The following GRAMD4 variants were observed in gnomAD, a reference collection of about 807,000 sequenced individuals.
GRAMD4 encodes the protein GRAM domain-containing protein 4.
A neutral mutation model predicts 83.9 loss-of-function variants in GRAMD4; 25 were observed. The observed-to-expected ratio is 0.30, with a 90% CI of 0.22 to 0.42. The LOEUF (loss-of-function observed/expected upper bound fraction) is 0.42, where lower values mean the gene tolerates loss of function less well. Ranked by LOEUF, GRAMD4 falls within the 10% of genes least tolerant of loss-of-function variation. GRAMD4 has a pLI of 1.00. For missense variants in GRAMD4, 593 were observed against 788.7 expected, an observed-to-expected ratio of 0.75 and a Z score of 2.97; for synonymous variants, 336 against 320.9, an observed-to-expected ratio of 1.05 and a Z score of -0.50.
upstream of GRAMD4, among the ~76,000 whole-genome samples, chr22:46,618,568 G>A (rs996286542): frequency 6.6e-6 from 1 of 152,118 alleles, no homozygotes; most frequent in Admixed American, 6.5e-5. The surrounding 1 kb of genome is among the most constrained non-coding windows in gnomAD (Gnocchi z 5.8). Flanking sequence ...GTGTTGACCC[G>A]GGTGCGTGGA....
upstream of GRAMD4, among the ~76,000 whole-genome samples, chr22:46,616,780 G>T (rs1182190103): frequency 7.2e-6 from 1 of 138,646 alleles, no homozygotes; most frequent in African/African-American, 2.8e-5. Flanking sequence ...GTGCGTGCAG[G>T]TTCCCCTGTG....
chr22:46,682,146 C>A (rs542254199), downstream of GRAMD4, among the ~76,000 whole-genome samples: 1 of 152,314 alleles, frequency 6.6e-6, no homozygotes, highest in South Asian at 2.1e-4. Context: ...CTCGGGTCCA[C>A]GTCAGCTGGA....
At chr22:46,619,774 G>C (rs1437755057), upstream of GRAMD4, among the ~76,000 whole-genome samples, 4 of 152,158 alleles carry the variant, frequency 2.6e-5, no homozygotes, top group East Asian at 5.8e-4. Context: ...TGAGGTTTAG[G>C]GGCTACCTTC....
At chr22:46,610,140 G>A (rs1251198417) in intron 1 of GRAMD4, among the ~76,000 whole-genome samples, 5 of 152,172 alleles carry the variant, frequency 3.3e-5, no homozygotes, top group Non-Finnish European at 5.9e-5. Flanking sequence ...GCCTGGCCAG[G>A]GACCACGCCT....
rs1300052621 is a variant in GRAMD4, at chr22:46,665,680, G to A, written c.783G>A (p.Arg261=). The A allele has an allele frequency of 1.9e-6, 3 of 1,601,376 alleles. No individual in the cohort carries two copies. The South Asian group carries it at 3.3e-5, about 18-fold the overall frequency. The change falls in exon 9 of 19, where the codon AGG becomes AGA. Residue 261 remains arginine (R), a synonymous_variant. Coordinates refer to ENST00000406902, the MANE Select transcript of GRAMD4 (RefSeq NM_015124.5). ...IPLFLFLAIL[R]LSLNYLIARG... is the part of the protein sequence containing the mutation. ...TGTTCTTATTTCTAGCAATTCTGAG[G>A]TTATCCCTCAATTACCTCATCGCCA...
At chr22:46,600,787 C>T (rs1380770131) in intron 1 of GRAMD4, among the ~76,000 whole-genome samples, 1 of 152,196 alleles carries the variant, frequency 6.6e-6, no homozygotes, top group Admixed American at 6.5e-5. Flanking sequence ...TATTAATTTA[C>T]TGAAATATGC....
intron 3 of GRAMD4, among the ~76,000 whole-genome samples, chr22:46,654,048 G>A (rs898617791): frequency 5.3e-5 from 8 of 152,192 alleles, no homozygotes; most frequent in African/African-American, 1.4e-4. Context: ...ACCGGCTGAC[G>A]GGGCATTTGG....
rs538583874 is a variant in GRAMD4, at chr22:46,609,804, C to G, written c.-49-16947C>G. ...CAGGAGGCGGTGCTTAGGGCTGGCT[C>G]CTGGCTTCACCAGTCTTCTTCACTG... On this transcript the variant is annotated intron_variant, in intron 1 of 1. Coordinates refer to the GRAMD4 transcript ENST00000431155. Among the ~76,000 whole-genome samples, 42 of 152,350 alleles carry G rather than the reference C, an allele frequency of 2.8e-4. No individual in the cohort carries two copies. The South Asian group carries it at 8.7e-3, about 32-fold the overall frequency.
chr22:46,608,344 G>A (rs965426796), intron 1 of GRAMD4, among the ~76,000 whole-genome samples: 1 of 152,204 alleles, frequency 6.6e-6, no homozygotes, highest in Non-Finnish European at 1.5e-5. Flanking sequence ...CTGGGCAACA[G>A]GTGTGAAGTG....
rs1372263656 is a variant in GRAMD4, at chr22:46,608,525, A to G, written c.-49-18226A>G. ...GAAACCCCATCTCTACTAAAAATAC[A>G]AAAATTATCTGTGTGTGGTGGCGGG... is the stretch of plus-strand genomic sequence containing the variant. On this transcript the variant is annotated intron_variant, in intron 1 of 1. Coordinates refer to the GRAMD4 transcript ENST00000431155. 4.0e-5 allele frequency among the ~76,000 whole-genome samples: 6 copies of G among 151,360 alleles called. No homozygotes were observed. In the East Asian group the frequency reaches 1.2e-3, roughly 30 times the overall value.
At chr22:46,643,163 C>G (rs773355882) in intron 3 of GRAMD4, among the ~76,000 whole-genome samples, 39 of 121,162 alleles carry the variant, frequency 3.2e-4, no homozygotes, top group South Asian at 5.9e-4. Flanking sequence ...ATCCATCCAT[C>G]CATCCATCCA....
chr22:46,597,086 G>A (rs935907030), intron 1 of GRAMD4, among the ~76,000 whole-genome samples: 1 of 152,128 alleles, frequency 6.6e-6, no homozygotes, highest in Admixed American at 6.6e-5. Context: ...CCTGGGAATC[G>A]GCGGCCAGAC....
Position 46,676,801 on chromosome 22 carries a change from C to T in GRAMD4, c.1632+133C>T. The stretch of plus-strand genomic sequence containing the variant: ...CAGCAGGGTCACAAAGCCGCCCCCT[C>T]CCTCGCAGCAGCTAGAGCCTGGGGC... On this transcript the variant is annotated intron_variant, in intron 18 of 18. Transcript: ENST00000406902. The T allele has an allele frequency of 3.7e-6, 3 of 813,828 alleles. No homozygotes were observed. In the South Asian group the frequency reaches 4.7e-5, roughly 13 times the overall value. 50.4% of individuals were successfully genotyped at this position (813,828 alleles called of 1,614,324 possible). A position where few individuals can be genotyped will look rare whatever the true frequency, so the allele number is the denominator to read the frequency against.
At chr22:46,637,050 C>T (rs1184113720) in intron 2 of GRAMD4, among the ~76,000 whole-genome samples, 1 of 152,194 alleles carries the variant, frequency 6.6e-6, no homozygotes, top group African/African-American at 2.4e-5. Flanking sequence ...TTGCGGCAGA[C>T]CCTTCTGCCC....
At chr22:46,605,593 C>T (rs1042241023) in intron 1 of GRAMD4, among the ~76,000 whole-genome samples, 2 of 152,268 alleles carry the variant, frequency 1.3e-5, no homozygotes, top group African/African-American at 2.4e-5. Context: ...CCGGTTTCTC[C>T]CCATTCTCGC....
upstream of GRAMD4, among the ~76,000 whole-genome samples, chr22:46,576,343 T>A (rs1007844664): frequency 2.0e-5 from 3 of 152,102 alleles, no homozygotes; most frequent in African/African-American, 7.2e-5. Flanking sequence ...CACTGAGCAG[T>A]CTCCTGTGAG....
chr22:46,655,595 C>T (rs1454135061), intron 3 of GRAMD4, among the ~76,000 whole-genome samples: 3 of 152,170 alleles, frequency 2.0e-5, no homozygotes, highest in African/African-American at 7.2e-5. Context: ...AAGGAGCCAG[C>T]CGGCCGCCCA....
At chr22:46,649,327 G>A (rs2082131504) in intron 3 of GRAMD4, among the ~76,000 whole-genome samples, 2 of 152,316 alleles carry the variant, frequency 1.3e-5, no homozygotes, top group South Asian at 4.1e-4. Context: ...GTTGGAAAGG[G>A]AGGTTGTGGG....
chr22:46,617,020 C>CCCTGTGCGTGTAGGTTCT, upstream of GRAMD4, among the ~76,000 whole-genome samples: 1 of 144,222 alleles, frequency 6.9e-6, no homozygotes, highest in Non-Finnish European at 1.5e-5. Context: ...GTGTGGGTTC[C>CCCTGTGCGTGTAGGTTCT]CCCGTGTGTA....
Sources: allele counts gnomAD v4.1 joint callset (sites outside exome capture counted in the v4.1 genomes callset), GRCh38; gene constraint gnomAD v4.1.1; non-coding constraint Gnocchi (gnomAD v3.1); transcripts MANE v1.5; gene names NCBI Gene and HGNC (gene_info 2026-07-23, HGNC 2026-07-21).